The following SH3GL2 variants were observed in gnomAD, a reference collection of about 807,000 sequenced individuals.
The protein encoded by SH3GL2 is endophilin-A1.
SH3GL2 carries 24 observed loss-of-function variants against 46.0 expected under a neutral mutation model. That is an observed-to-expected ratio of 0.52 (90% CI 0.38 to 0.73). The LOEUF is 0.73. SH3GL2 is among the 30% of genes least tolerant of loss of function. The pLI, the probability that SH3GL2 is intolerant of heterozygous loss-of-function variation, is 0.00. For synonymous variants in SH3GL2, 196 were observed against 147.1 expected (o/e 1.33, Z -2.40); for missense variants, 413 against 424.2 (o/e 0.97, Z 0.23).
chr9:17,773,224 A>T (rs545321450), intron 3 of SH3GL2, among the ~76,000 whole-genome samples: 11 of 152,228 alleles, frequency 7.2e-5, no homozygotes, highest in African/African-American at 2.4e-4. Context: ...TACATATCAG[A>T]TATGATTTAC....
At chr9:17,761,231 G>A (rs1367945752) in intron 2 of SH3GL2, among the ~76,000 whole-genome samples, 1 of 152,120 alleles carries the variant, frequency 6.6e-6, no homozygotes, top group East Asian at 1.9e-4. Context: ...TTCTTCTTTG[G>A]ATAAACGGGC....
intron 1 of SH3GL2, among the ~76,000 whole-genome samples, chr9:17,739,990 A>C (rs1822477348): frequency 6.6e-6 from 1 of 152,180 alleles, no homozygotes; most frequent in South Asian, 2.1e-4. Flanking sequence ...CCAAGTACTT[A>C]ACTCACTCAA....
At chr9:17,774,230 A>G (rs1049039161) in intron 3 of SH3GL2, among the ~76,000 whole-genome samples, 1 of 152,170 alleles carries the variant, frequency 6.6e-6, no homozygotes, top group Non-Finnish European at 1.5e-5. Context: ...ATGTAAGATC[A>G]TGTCATCTGA....
At chr9:17,758,492 G>A (rs1385998611) in intron 2 of SH3GL2, among the ~76,000 whole-genome samples, 9 of 147,144 alleles carry the variant, frequency 6.1e-5, no homozygotes, top group Middle Eastern at 3.3e-3. Flanking sequence ...AACCTGGGAG[G>A]AGGAGGTTGC....
chr9:17,752,544 C>T (rs960976662), intron 2 of SH3GL2, among the ~76,000 whole-genome samples: 2 of 151,736 alleles, frequency 1.3e-5, no homozygotes, highest in African/African-American at 4.8e-5. Context: ...ATTGTCCAGG[C>T]TGGAGTGTAG....
chr9:17,650,278 A>G lies in SH3GL2; in HGVS notation c.45+70991A>G, dbSNP rs190186650. Among the ~76,000 whole-genome samples, 678 of 152,374 alleles carry G rather than the reference A, an allele frequency of 4.4e-3. 2 individuals are homozygous for G. Among genetic ancestry groups the G allele is most frequent in the African/African-American group, 0.016 (651 of 41,584 alleles). On this transcript the variant is annotated intron_variant, in intron 1 of 8. Transcript: ENST00000380607. ...ATCCTTGTAACAGTTTGAAGTACAC[A>G]AAAGAACGTGATATATCCTCTTTCT...
Position 17,791,193 on chromosome 9 carries a change from G to A in SH3GL2, c.625-38G>A, listed in dbSNP as rs16935988. ...GTAGTGGCTGTTTAGGGATGGTAACGTGTAAAACTAAGGCATGATTTTCCC... is the reference window on the plus strand; with the variant it reads ...GTAGTGGCTGTTTAGGGATGGTAACATGTAAAACTAAGGCATGATTTTCCC... On this transcript the variant is annotated intron_variant, in intron 6 of 8. Coordinates refer to ENST00000380607, the MANE Select transcript of SH3GL2 (RefSeq NM_003026.5). 9.8e-3 allele frequency: 13,879 copies of A among 1,420,314 alleles called. 783 individuals carry two copies. In the African/African-American group the frequency reaches 0.14, roughly 14 times the overall value. The allele number at this position is 1,420,314 out of a possible 1,614,324, so 88.0% of individuals were successfully genotyped here. A position where few individuals can be genotyped will look rare whatever the true frequency, so the allele number is the denominator to read the frequency against.
chr9:17,596,301 CA>C (rs1818570192), intron 1 of SH3GL2, among the ~76,000 whole-genome samples: 1 of 152,124 alleles, frequency 6.6e-6, no homozygotes. Context: ...TATAAGTAAG[CA>C]GCTGCTAATG....
chr9:17,658,503 A>G (rs1820142458), intron 1 of SH3GL2, among the ~76,000 whole-genome samples: 1 of 152,242 alleles, frequency 6.6e-6, no homozygotes, highest in East Asian at 1.9e-4. Flanking sequence ...AAATAGTAAC[A>G]AATAATATTG....
intron 3 of SH3GL2, among the ~76,000 whole-genome samples, chr9:17,784,833 T>C (rs1276372999): frequency 1.3e-5 from 2 of 152,178 alleles, no homozygotes; most frequent in Admixed American, 6.5e-5. Context: ...CCACGTCAGC[T>C]TCCCTAGTAA....
intron 1 of SH3GL2, among the ~76,000 whole-genome samples, chr9:17,593,277 G>A (rs1438457938): frequency 2.0e-5 from 3 of 151,764 alleles, no homozygotes; most frequent in Non-Finnish European, 4.4e-5. Context: ...AGAAGCACAG[G>A]ACTGTGCTTG....
At chr9:17,584,289 T>A (rs1331221752) in intron 1 of SH3GL2, among the ~76,000 whole-genome samples, 1 of 152,014 alleles carries the variant, frequency 6.6e-6, no homozygotes, top group African/African-American at 2.4e-5. Context: ...TCACTTGAGG[T>A]CAGGAGTTCA....
intron 1 of SH3GL2, among the ~76,000 whole-genome samples, chr9:17,737,421 T>C (rs10963239): frequency 0.053 from 8,143 of 152,218 alleles, 279 homozygotes; most frequent in Non-Finnish European, 0.081. Flanking sequence ...TATGAGGATG[T>C]AGTTCCTATT....
chr9:17,730,060 C>T (rs1040755900), intron 1 of SH3GL2, among the ~76,000 whole-genome samples: 15 of 152,098 alleles, frequency 9.9e-5, no homozygotes, highest in African/African-American at 2.7e-4. Flanking sequence ...GCAATATGGC[C>T]GTTTTCATGA....
chr9:17,619,484 C>T (rs957996026), intron 1 of SH3GL2, among the ~76,000 whole-genome samples: 1 of 152,052 alleles, frequency 6.6e-6, no homozygotes, highest in Non-Finnish European at 1.5e-5. Context: ...TCAAGACCAG[C>T]CTGACCAATA....
At chr9:17,625,320 C>G (rs546173951) in intron 1 of SH3GL2, among the ~76,000 whole-genome samples, 19 of 152,180 alleles carry the variant, frequency 1.2e-4, no homozygotes, top group African/African-American at 4.3e-4. Context: ...TCCAGAAGCC[C>G]CACTTTATAT....
At chr9:17,787,098 C>T (rs888812996) in intron 4 of SH3GL2, among the ~76,000 whole-genome samples, 2 of 152,126 alleles carry the variant, frequency 1.3e-5, no homozygotes, top group South Asian at 4.2e-4. Flanking sequence ...TTAAGCTAGT[C>T]CCACATTAGG....
At chr9:17,607,572 A>G (rs759846022) in intron 1 of SH3GL2, among the ~76,000 whole-genome samples, 33 of 152,206 alleles carry the variant, frequency 2.2e-4, no homozygotes, top group Admixed American at 1.5e-3. Flanking sequence ...CAAAATGTCT[A>G]TGCGGCACGT....
At chr9:17,634,399 G>C (rs1459641420) in intron 1 of SH3GL2, among the ~76,000 whole-genome samples, 1 of 152,168 alleles carries the variant, frequency 6.6e-6, no homozygotes, top group Non-Finnish European at 1.5e-5. Flanking sequence ...TTTGCTTTTT[G>C]TCTTCTCTGA....
Sources: allele counts gnomAD v4.1 joint callset (sites outside exome capture counted in the v4.1 genomes callset), GRCh38; gene constraint gnomAD v4.1.1; transcripts MANE v1.5; gene names NCBI Gene and HGNC (gene_info 2026-07-23, HGNC 2026-07-21).